Variants in CADPS2 observed in about 807,000 individuals in gnomAD.
CADPS2 encodes the protein calcium-dependent secretion activator 2.
In CADPS2, 93 loss-of-function variants were observed where a neutral mutation model predicts 172.5. The ratio of observed to expected loss-of-function variants is 0.54; its 90% CI spans 0.46 to 0.64. The LOEUF (loss-of-function observed/expected upper bound fraction) is 0.64. CADPS2 is among the 30% of genes least tolerant of loss of function. CADPS2 has a pLI of 0.00. For missense variants in CADPS2, 1,420 were observed against 1,565.9 expected, an observed-to-expected ratio of 0.91 and a Z score of 1.57; for synonymous variants, 546 against 555.2, an observed-to-expected ratio of 0.98 and a Z score of 0.23.
intron 2 of CADPS2, among the ~76,000 whole-genome samples, chr7:122,715,462 T>C (rs139321709): frequency 1.0e-3 from 152 of 152,206 alleles, no homozygotes; most frequent in African/African-American, 3.1e-3. Context: ...ACACAGGATT[T>C]CCGTGCCTTG....
chr7:122,456,024 T>C (rs1049838367), intron 14 of CADPS2, among the ~76,000 whole-genome samples: 6 of 152,112 alleles, frequency 3.9e-5, no homozygotes, highest in East Asian at 1.9e-4. Context: ...TATTATATGA[T>C]AGTTGGTAAA....
At chr7:122,841,656 C>A (rs1263758417) in intron 1 of CADPS2, among the ~76,000 whole-genome samples, 1 of 152,050 alleles carries the variant, frequency 6.6e-6, no homozygotes, top group Non-Finnish European at 1.5e-5. Context: ...AAGAGAAGAT[C>A]CAAAGATCTG....
chr7:122,612,637 T>C (rs2074435593), intron 6 of CADPS2, among the ~76,000 whole-genome samples: 1 of 152,070 alleles, frequency 6.6e-6, no homozygotes, highest in Non-Finnish European at 1.5e-5. Context: ...AGTTACAACA[T>C]AATCCCTACT....
intron 7 of CADPS2, among the ~76,000 whole-genome samples, chr7:122,572,296 A>C (rs748966019): frequency 1.3e-5 from 2 of 152,178 alleles, no homozygotes; most frequent in Non-Finnish European, 2.9e-5. Context: ...TTAAAATCAC[A>C]GAAAAGTTAT....
chr7:122,589,908 T>C (rs985029511), intron 6 of CADPS2, among the ~76,000 whole-genome samples: 1 of 151,910 alleles, frequency 6.6e-6, no homozygotes, highest in African/African-American at 2.4e-5. Context: ...TTTATTGAGG[T>C]ATAGTTTACA....
intron 8 of CADPS2, among the ~76,000 whole-genome samples, chr7:122,554,047 T>C (rs1351347017): frequency 1.3e-5 from 2 of 152,160 alleles, no homozygotes; most frequent in Non-Finnish European, 2.9e-5. Context: ...CAGGCAACAG[T>C]AGCAGTTTTC....
chr7:122,602,212 AT>A (rs2072890987), intron 6 of CADPS2, among the ~76,000 whole-genome samples: 1 of 151,552 alleles, frequency 6.6e-6, no homozygotes, highest in South Asian at 2.1e-4. Context: ...AAAAAAGTTT[AT>A]TTTTTTCATA....
At chr7:122,797,092 T>C (rs1796539579) in intron 1 of CADPS2, among the ~76,000 whole-genome samples, 2 of 151,706 alleles carry the variant, frequency 1.3e-5, no homozygotes, top group Non-Finnish European at 2.9e-5. Flanking sequence ...ATAACAATCA[T>C]ATGAAAAAAA....
intron 24 of CADPS2, among the ~76,000 whole-genome samples, chr7:122,384,954 A>G (rs1243892686): frequency 6.6e-6 from 1 of 152,102 alleles, no homozygotes; most frequent in Non-Finnish European, 1.5e-5. Flanking sequence ...TGCCTACTGC[A>G]TGTCAGGTAC....
chr7:122,665,862 T>A (rs1037017601), intron 2 of CADPS2, among the ~76,000 whole-genome samples: 5 of 152,230 alleles, frequency 3.3e-5, no homozygotes, highest in African/African-American at 1.2e-4. Flanking sequence ...CCCTGTCTTA[T>A]TTTTTATGTT....
chr7:122,552,500 G>A (rs1315972991), intron 8 of CADPS2, among the ~76,000 whole-genome samples: 6 of 152,042 alleles, frequency 3.9e-5, no homozygotes, highest in Non-Finnish European at 8.8e-5. Flanking sequence ...TAGGGGTACT[G>A]ATTTAGTCAA....
intron 1 of CADPS2, among the ~76,000 whole-genome samples, chr7:122,804,526 T>G (rs149592693): frequency 6.6e-6 from 1 of 152,320 alleles, no homozygotes; most frequent in African/African-American, 2.4e-5. Context: ...AATAGAAAAT[T>G]TCTTAAATGA....
chr7:122,573,656 T>C (rs1205643472), intron 7 of CADPS2, among the ~76,000 whole-genome samples: 1 of 152,170 alleles, frequency 6.6e-6, no homozygotes, highest in Non-Finnish European at 1.5e-5. Context: ...ACCCAAAATG[T>C]ACTTTGTACT....
chr7:122,702,904 T>C, intron 2 of CADPS2: 1 of 582,842 alleles, frequency 1.7e-6, no homozygotes, highest in South Asian at 2.4e-5. Context: ...CCTTCCAGTA[T>C]TTTAATATTT....
Position 122,407,749 on chromosome 7 carries a change from T to C in CADPS2, c.2590-53A>G, listed in dbSNP as rs749205290. 10 of 1,477,348 alleles carry C rather than the reference T, an allele frequency of 6.8e-6. No homozygotes were observed. In the African/African-American group the frequency reaches 8.4e-5, roughly 12 times the overall value. The allele number at this position is 1,477,348 out of a possible 1,614,324, so 91.5% of individuals were successfully genotyped here. A position where few individuals can be genotyped will look rare whatever the true frequency, so the allele number is the denominator to read the frequency against. ...AAAAGTAGATTACTTTTTAGAAACATGCACAAGTACTGTGCCAGTTGAAAA... is the reference window on the plus strand; with the variant it reads ...AAAAGTAGATTACTTTTTAGAAACACGCACAAGTACTGTGCCAGTTGAAAA... On this transcript the variant is annotated intron_variant, in intron 19 of 29. Transcript: ENST00000449022.
intron 8 of CADPS2, among the ~76,000 whole-genome samples, chr7:122,524,137 A>G (rs2061024055): frequency 6.6e-6 from 1 of 152,228 alleles, no homozygotes; most frequent in Non-Finnish European, 1.5e-5. Context: ...ATAGTTTAGC[A>G]AGAAACAAAA....
intron 19 of CADPS2, among the ~76,000 whole-genome samples, chr7:122,413,794 A>G (rs2047582870): frequency 6.6e-6 from 1 of 152,242 alleles, no homozygotes; most frequent in African/African-American, 2.4e-5. Flanking sequence ...TTAAAGGACA[A>G]AAAACAACCA....
chr7:122,347,289 T>A (rs2037821650), intron 27 of CADPS2, among the ~76,000 whole-genome samples: 1 of 152,198 alleles, frequency 6.6e-6, no homozygotes, highest in Non-Finnish European at 1.5e-5. Context: ...TCTTGCCATT[T>A]TTTTTTGGAG....
rs533373330 is a variant in CADPS2, at chr7:122,878,457, G to A, written c.339+7542C>T. Among the ~76,000 whole-genome samples the A allele has an allele frequency of 8.6e-5, 13 of 151,710 alleles. No homozygotes were observed. In the East Asian group the frequency reaches 1.6e-3, roughly 18 times the overall value. ...CACAACGTCAGGAGATCGAGACCAT[G>A]GTGAAACCCCGTCTCTACTAAAAAT... is the stretch of plus-strand genomic sequence containing the variant. On this transcript the variant is annotated intron_variant, in intron 1 of 29. Coordinates refer to ENST00000449022, the MANE Select transcript of CADPS2 (RefSeq NM_017954.11).
Sources: gnomAD v4.1 joint callset for allele counts (sites outside exome capture counted in the v4.1 genomes callset) on GRCh38, gnomAD v4.1.1 for gene constraint, MANE v1.5 for transcripts, NCBI Gene and HGNC (gene_info 2026-07-23, HGNC 2026-07-21) for gene names.